Variants in USO1 observed in about 807,000 individuals in gnomAD.
USO1 encodes the protein general vesicular transport factor p115.
USO1 carries 57 observed loss-of-function variants against 124.5 expected under a neutral mutation model. The ratio of observed to expected loss-of-function variants is 0.46; its 90% confidence interval spans 0.37 to 0.57. The LOEUF is 0.57. USO1 is among the 20% of genes least tolerant of loss of function. USO1 has a pLI of 0.00. For synonymous variants in USO1, 369 were observed against 362.8 expected (o/e 1.02, Z -0.19); for missense variants, 900 against 1,040.6 (o/e 0.86, Z 1.86).
intron 10 of USO1, 77 bp downstream of exon 10, chr4:75,787,279 A>G: frequency 1.5e-6 from 2 of 1,362,834 alleles, no homozygotes; most frequent in East Asian, 5.5e-5. Flanking sequence ...TATTTGTTGA[A>G]GGAAAAACTA....
Position 75,801,166 on chromosome 4 carries a change from T to C in USO1, c.1952T>C (p.Ile651Thr). The C allele has an allele frequency of 6.2e-7, 1 of 1,610,628 alleles. No individual in the cohort carries two copies. The highest frequency in any genetic ancestry group is 8.5e-7 in the Non-Finnish European group (1 of 1,178,630). Residue 651 changes from isoleucine to threonine, a missense_variant, in exon 17 of 24, where the codon ATT (isoleucine) becomes ACT (threonine). Physicochemically the swap from Ile to Thr is moderately conservative, Grantham distance 89 (BLOSUM62 -1). Around this residue, in one of 2 missense-constraint regions of USO1, gnomAD observed 362 missense variants for 359.0 expected, o/e 1.01. Transcript: ENST00000514213. Reference sequence around the variant, plus strand: ...AAAACATTAGAACAGCATGACAATATTGTGACTCACTACAAAAATATGATT... The same window carrying C: ...AAAACATTAGAACAGCATGACAATACTGTGACTCACTACAAAAATATGATT... The part of the protein sequence containing the change: ...VKKTLEQHDN[I>T]VTHYKNMIRE...
At chr4:75,752,925 A>C (rs1025163296) in intron 3 of USO1, among the ~76,000 whole-genome samples, 1 of 152,214 alleles carries the variant, frequency 6.6e-6, no homozygotes, top group Non-Finnish European at 1.5e-5. Context: ...GTTAAGCATA[A>C]AACAGACATA....
intron 13 of USO1, 40 bp downstream of exon 13, chr4:75,793,941 A>G: frequency 6.2e-7 from 1 of 1,611,482 alleles, no homozygotes; most frequent in Non-Finnish European, 8.5e-7. Context: ...ATACATTTTG[A>G]TGTCAGTGAT....
chr4:75,813,268 T>A lies in USO1; in HGVS notation c.2862T>A (p.Asp954Glu). The change falls in exon 24 of 24, where the codon GAT (aspartate) becomes GAA (glutamate). Residue 954 changes from aspartate to glutamate, a missense_variant. By Grantham distance (45) the Asp-to-Glu change is conservative (BLOSUM62 2). Around this residue, in one of 2 missense-constraint regions of USO1, gnomAD observed 362 missense variants for 359.0 expected, o/e 1.01. Coordinates refer to ENST00000514213, the MANE Select transcript of USO1 (RefSeq NM_003715.4). ...DQEDEDDESE[D>E]PGKDLDHI is the part of the protein sequence containing the mutation. ...AGGATGAGGATGATGAAAGTGAAGA[T>A]CCTGGCAAGGATCTAGATCATATCT... 8 of 1,611,436 alleles carry A rather than the reference T, an allele frequency of 5.0e-6. No homozygotes were observed. Among genetic ancestry groups the A allele is most frequent in the Non-Finnish European group, 6.8e-6 (8 of 1,179,114 alleles).
chr4:75,789,544 G>A (rs2149180658), intron 10 of USO1, among the ~76,000 whole-genome samples: 1 of 152,128 alleles, frequency 6.6e-6, no homozygotes, highest in East Asian at 1.9e-4. Flanking sequence ...CAAAGTGCTG[G>A]GATTACAAGC....
At chr4:75,774,499 T>C (rs894768118) in intron 7 of USO1, among the ~76,000 whole-genome samples, 177 bp from the exon 8 acceptor site, 8 of 152,230 alleles carry the variant, frequency 5.3e-5, no homozygotes, top group African/African-American at 1.9e-4. Flanking sequence ...CTTTGAGGTT[T>C]ATAACCTTAG....
At chr4:75,733,935 ATTTTTTTTTT>A (rs869308522) in intron 1 of USO1, among the ~76,000 whole-genome samples, 1 of 77,108 alleles carries the variant, frequency 1.3e-5, no homozygotes, top group Non-Finnish European at 2.5e-5. Flanking sequence ...TTCTTCGAGG[ATTTTTTTTTT>A]TTTTTTTTTT....
chr4:75,791,081 T>C (rs778840486), intron 12 of USO1, among the ~76,000 whole-genome samples: 8 of 152,244 alleles, frequency 5.3e-5, no homozygotes, highest in Non-Finnish European at 1.2e-4. Context: ...ATAATAATAC[T>C]CATCTCTATG....
At chr4:75,763,628 T>G (rs1343331773) in intron 4 of USO1, among the ~76,000 whole-genome samples, 3 of 152,166 alleles carry the variant, frequency 2.0e-5, no homozygotes, top group Non-Finnish European at 4.4e-5. Flanking sequence ...TTAAATTTAT[T>G]TTTACTATGG....
chr4:75,768,850 A>G (rs1433540031), intron 4 of USO1, among the ~76,000 whole-genome samples: 1 of 152,222 alleles, frequency 6.6e-6, no homozygotes. Flanking sequence ...ATCCACACAG[A>G]CTTCTCCACT....
At chr4:75,763,115 C>A (rs376223602) in intron 4 of USO1, among the ~76,000 whole-genome samples, 1 of 152,172 alleles carries the variant, frequency 6.6e-6, no homozygotes, top group Non-Finnish European at 1.5e-5. Context: ...AAGAGAAGAT[C>A]CAGAAATGTT....
At chr4:75,797,476 C>CT (rs869262737) in intron 13 of USO1, among the ~76,000 whole-genome samples, 1 of 19,968 alleles carries the variant, frequency 5.0e-5, no homozygotes, top group Non-Finnish European at 1.4e-4. Context: ...ATTATTCTCT[C>CT]TTTTTTCTTT....
intron 1 of USO1, among the ~76,000 whole-genome samples, chr4:75,747,887 C>T (rs1211387328): frequency 6.9e-6 from 1 of 144,924 alleles, no homozygotes; most frequent in Non-Finnish European, 1.5e-5. Context: ...AGTGCTGAGC[C>T]ACCTCACCTG....
intron 4 of USO1, among the ~76,000 whole-genome samples, chr4:75,767,880 A>G (rs1721813856): frequency 6.6e-6 from 1 of 152,246 alleles, no homozygotes; most frequent in Non-Finnish European, 1.5e-5. Flanking sequence ...GTGAATTTCT[A>G]CAAAAAGGGT....
rs904945507 is a variant in USO1 at position 75,804,999 on chromosome 4, C to T, written c.2126-141C>T. 8 of 1,139,276 alleles carry T rather than the reference C, an allele frequency of 7.0e-6. No homozygotes were observed. In the African/African-American group the frequency reaches 1.1e-4, roughly 16 times the overall value. The allele number at this position is 1,139,276 out of a possible 1,614,324, so 70.6% of individuals were successfully genotyped here. A position where few individuals can be genotyped will look rare whatever the true frequency, so the allele number is the denominator to read the frequency against. ...CAGTTCACTATTTTTATCAGTATACCATTCTGCAAAGATGAAATGTGATTG... is the reference window on the plus strand; with the variant it reads ...CAGTTCACTATTTTTATCAGTATACTATTCTGCAAAGATGAAATGTGATTG... On this transcript the variant is annotated intron_variant, in intron 18 of 23. Coordinates refer to ENST00000514213, the MANE Select transcript of USO1 (RefSeq NM_003715.4).
At chr4:75,750,142 G>A (rs890290634) in intron 1 of USO1, among the ~76,000 whole-genome samples, 3 of 152,144 alleles carry the variant, frequency 2.0e-5, no homozygotes, top group African/African-American at 7.2e-5. Context: ...CTTTCGAACA[G>A]CAGAAGTGGG....
At position 75,757,070 on chromosome 4, in the gene USO1, A is replaced by G. The variant is rs541738368; in HGVS notation, c.219-427A>G. Among the ~76,000 whole-genome samples, 6 of 150,808 alleles carry G rather than the reference A, an allele frequency of 4.0e-5. No individual in the cohort carries two copies. The South Asian group carries it at 1.3e-3, about 32-fold the overall frequency. Reference sequence around the variant, plus strand: ...TTGTAAATTTATAATGTTTTAAAATATGCATAGATACAAACGTATACATAT... The same window carrying G: ...TTGTAAATTTATAATGTTTTAAAATGTGCATAGATACAAACGTATACATAT... On this transcript the variant is annotated intron_variant, in intron 3 of 23. Coordinates refer to ENST00000514213, the MANE Select transcript of USO1 (RefSeq NM_003715.4).
intron 3 of USO1, among the ~76,000 whole-genome samples, chr4:75,754,804 T>C (rs201869045): frequency 1.3e-5 from 2 of 152,224 alleles, no homozygotes; most frequent in Non-Finnish European, 2.9e-5. Flanking sequence ...TTAAATAATT[T>C]CCACAGCCTC....
At chr4:75,811,930 A>T (rs1344424984) in intron 22 of USO1, among the ~76,000 whole-genome samples, 1 of 152,080 alleles carries the variant, frequency 6.6e-6, no homozygotes, top group African/African-American at 2.4e-5. Context: ...AGCTAACTAA[A>T]ACTATTTTTT....
Sources: allele counts gnomAD v4.1 joint callset (sites outside exome capture counted in the v4.1 genomes callset), GRCh38; gene constraint gnomAD v4.1.1; regional missense constraint gnomAD v4.1.1; transcripts MANE v1.5; gene names NCBI Gene and HGNC (gene_info 2026-07-23, HGNC 2026-07-21).